The following SUGCT variants were observed in gnomAD, a reference collection of about 807,000 sequenced individuals.
SUGCT encodes the protein succinyl-CoA:glutarate-CoA transferase, also known as succinyl-CoA:glutarate CoA-transferase.
SUGCT carries 41 observed loss-of-function variants against 55.0 expected under a neutral mutation model. The ratio of observed to expected loss-of-function variants is 0.74; its 90% CI spans 0.58 to 0.97. SUGCT has a LOEUF of 0.97. Among genes scored for constraint, SUGCT ranks in the 50% least tolerant of loss-of-function variants. The pLI is 0.00. For synonymous variants in SUGCT, 187 were observed against 200.4 expected, an observed-to-expected ratio of 0.93 and a Z score of 0.56; for missense variants, 568 against 547.8, an observed-to-expected ratio of 1.04 and a Z score of -0.37.
At chr7:40,758,738 G>A (rs184802836) in intron 13 of SUGCT, among the ~76,000 whole-genome samples, 14 of 152,120 alleles carry the variant, frequency 9.2e-5, no homozygotes, top group Admixed American at 6.5e-4. Flanking sequence ...TTCCTCCTTT[G>A]AGTAAGATGT....
chr7:40,255,586 G>C (rs1379860708), intron 7 of SUGCT, among the ~76,000 whole-genome samples: 1 of 148,358 alleles, frequency 6.7e-6, no homozygotes, highest in Non-Finnish European at 1.5e-5. Context: ...GCTTGAACCC[G>C]GGAGAGGGCG....
chr7:40,277,348 AT>A (rs34112220), intron 8 of SUGCT, among the ~76,000 whole-genome samples: 105 of 146,388 alleles, frequency 7.2e-4, no homozygotes, highest in Admixed American at 8.2e-4. Context: ...CTCCTGGCTA[AT>A]TTTTTTTTTT....
At chr7:40,862,149 T>A (rs1458090608), downstream of SUGCT, among the ~76,000 whole-genome samples, 1 of 152,188 alleles carries the variant, frequency 6.6e-6, no homozygotes, top group Non-Finnish European at 1.5e-5. Flanking sequence ...TAAACATACG[T>A]AGGATGATAT....
At chr7:40,248,216 G>T (rs1324458443) in intron 7 of SUGCT, among the ~76,000 whole-genome samples, 1 of 151,910 alleles carries the variant, frequency 6.6e-6, no homozygotes, top group Non-Finnish European at 1.5e-5. Flanking sequence ...TCTCCATGTT[G>T]GTCAGGCTGG....
chr7:40,277,386 T>C (rs4587233), intron 8 of SUGCT, among the ~76,000 whole-genome samples: 150,381 of 151,196 alleles, frequency 0.99, 74,787 homozygotes, highest in Non-Finnish European at 1. Context: ...GACGGGGTTT[T>C]GCCATGTTGG....
intron 9 of SUGCT, among the ~76,000 whole-genome samples, chr7:40,378,306 C>T (rs1276660026): frequency 6.6e-6 from 1 of 152,046 alleles, no homozygotes; most frequent in Non-Finnish European, 1.5e-5. Flanking sequence ...AGTTTTTCTT[C>T]ATCCTTTTTT....
chr7:40,997,185 G>C, the SUGCT span, among the ~76,000 whole-genome samples: 11 of 152,276 alleles, frequency 7.2e-5, no homozygotes, highest in South Asian at 2.3e-3. Context: ...CTGAGCATCT[G>C]ATGGTTTCTT....
At chr7:40,344,160 G>A (rs1268243073) in intron 9 of SUGCT, among the ~76,000 whole-genome samples, 1 of 152,062 alleles carries the variant, frequency 6.6e-6, no homozygotes, top group African/African-American at 2.4e-5. Context: ...ATTTAAATTG[G>A]CAGCTTAGGA....
chr7:40,689,696 C>T (rs997028368), intron 12 of SUGCT, among the ~76,000 whole-genome samples: 3 of 150,950 alleles, frequency 2.0e-5, no homozygotes, highest in African/African-American at 7.3e-5. Flanking sequence ...CGTCTGTTTG[C>T]TCCAACTCAA....
At chr7:40,392,569 T>G (rs1785503473) in intron 9 of SUGCT, among the ~76,000 whole-genome samples, 1 of 151,984 alleles carries the variant, frequency 6.6e-6, no homozygotes, top group South Asian at 2.1e-4. Context: ...AAAAGTGAGG[T>G]CCAAATTTTT....
At chr7:40,576,275 G>T (rs939048645) in intron 12 of SUGCT, among the ~76,000 whole-genome samples, 9 of 152,180 alleles carry the variant, frequency 5.9e-5, no homozygotes, top group Admixed American at 5.2e-4. Context: ...GACCCTGCCT[G>T]CAGCTTTGAA....
the SUGCT span, among the ~76,000 whole-genome samples, chr7:40,907,296 C>T: frequency 6.6e-6 from 1 of 152,084 alleles, no homozygotes; most frequent in Non-Finnish European, 1.5e-5. Context: ...GTGTCATATT[C>T]CCAGACAGAA....
At position 40,254,189 on chromosome 7, in the gene SUGCT, A is replaced by G. The variant is rs182107721; in HGVS notation, c.576+16463A>G. ...GAAAGCAAAATCTTCAAATTCCTCT[A>G]AAACCTCTTTTCTAAAACAGAGTGC... On this transcript the variant is annotated intron_variant, in intron 7 of 13. Transcript: ENST00000335693. Among the ~76,000 whole-genome samples, 71 of 152,318 alleles carry G rather than the reference A, an allele frequency of 4.7e-4. 1 individual carries two copies. The highest frequency in any genetic ancestry group is 1.7e-3 in the South Asian group (8 of 4,834).
chr7:40,440,394 T>C (rs1788451106), intron 9 of SUGCT, among the ~76,000 whole-genome samples: 1 of 151,844 alleles, frequency 6.6e-6, no homozygotes, highest in African/African-American at 2.4e-5. Flanking sequence ...CTCCTGGACT[T>C]AAGTGATCCA....
the SUGCT span, among the ~76,000 whole-genome samples, chr7:40,924,265 C>CGTGTGTGTGTGTGTGT: frequency 0.024 from 3,275 of 136,054 alleles, 121 homozygotes; most frequent in East Asian, 0.19. Flanking sequence ...CTTTCAATTA[C>CGTGTGTGTGTGTGTGT]GTGTGTGTGT....
chr7:40,903,567 G>A, the SUGCT span, among the ~76,000 whole-genome samples: 1 of 152,110 alleles, frequency 6.6e-6, no homozygotes, highest in Non-Finnish European at 1.5e-5. Flanking sequence ...TGAAAGGCCT[G>A]CCTTTTGGTT....
chr7:40,148,119 A>G (rs950799350), intron 1 of SUGCT, among the ~76,000 whole-genome samples: 20 of 151,368 alleles, frequency 1.3e-4, no homozygotes, highest in African/African-American at 4.8e-4. Context: ...TGGTTATGAG[A>G]GAGCAGGAAA....
chr7:40,933,366 T>G, the SUGCT span, among the ~76,000 whole-genome samples: 4 of 152,184 alleles, frequency 2.6e-5, no homozygotes, highest in Non-Finnish European at 5.9e-5. Flanking sequence ...GCCCTTAACA[T>G]TTTTTCCTTC....
intron 1 of SUGCT, among the ~76,000 whole-genome samples, chr7:40,161,125 A>G (rs1784124962): frequency 6.6e-6 from 1 of 152,180 alleles, no homozygotes; most frequent in Admixed American, 6.5e-5. Context: ...TTTTACCTTT[A>G]CTACCTGAAG....
Sources: allele counts gnomAD v4.1 joint callset (sites outside exome capture counted in the v4.1 genomes callset), GRCh38; gene constraint gnomAD v4.1.1; transcripts MANE v1.5; gene names NCBI Gene and HGNC (gene_info 2026-07-23, HGNC 2026-07-21).